Variants in DIP2C observed in about 807,000 individuals in gnomAD.
The protein encoded by DIP2C is disco-interacting protein 2 homolog C.
Under a neutral mutation model 192.4 loss-of-function variants are expected in DIP2C, and 33 were observed. That is an observed-to-expected ratio of 0.17 (90% CI 0.13 to 0.23). The LOEUF (loss-of-function observed/expected upper bound fraction) is 0.23, where lower values mean the gene tolerates loss of function less well. Among genes scored for constraint, DIP2C ranks in the 10% least tolerant of loss-of-function variants. The pLI is 1.00. For missense variants in DIP2C, 1,537 were observed against 2,110.1 expected (o/e 0.73, Z 5.32); for synonymous variants, 979 against 864.1 (o/e 1.13, Z -2.33).
intron 1 of DIP2C, among the ~76,000 whole-genome samples, chr10:538,570 T>C (rs938616811): frequency 3.9e-5 from 6 of 152,238 alleles, no homozygotes; most frequent in African/African-American, 1.4e-4. Context: ...AACGTGGAAA[T>C]GATGGGGCCT....
intron 1 of DIP2C, among the ~76,000 whole-genome samples, chr10:608,821 G>A (rs1448905999): frequency 6.7e-6 from 1 of 148,942 alleles, no homozygotes; most frequent in Non-Finnish European, 1.5e-5. Context: ...CCATTGCTTA[G>A]TCTTCTTAGA....
rs148818301 is a variant in DIP2C at position 489,621 on chromosome 10, G to A, written c.86-3091C>T. Among the ~76,000 whole-genome samples, 1,406 of 151,854 alleles carry A rather than the reference G, an allele frequency of 9.3e-3. 9 individuals carry two copies. The highest frequency in any genetic ancestry group is 0.016 in the Non-Finnish European group (1,061 of 67,882). ...GACACAGTGGCTCTGACAGAGCCTG[G>A]TGCTTCCTCCATTTCACACTAGGGA... On this transcript the variant is annotated intron_variant, in intron 1 of 36. Transcript: ENST00000280886.
chr10:589,287 G>C (rs948576490), intron 1 of DIP2C, among the ~76,000 whole-genome samples: 6 of 152,142 alleles, frequency 3.9e-5, no homozygotes, highest in Admixed American at 3.3e-4. Context: ...CAGAAAATGT[G>C]TCTCTTCAAT....
At chr10:339,469 G>A (rs996971370) in intron 29 of DIP2C, among the ~76,000 whole-genome samples, 1 of 149,702 alleles carries the variant, frequency 6.7e-6, no homozygotes, top group African/African-American at 2.5e-5. Context: ...TTCACACGGA[G>A]AACTTACTTT....
intron 1 of DIP2C, chr10:667,357 CA>C: frequency 6.6e-6 from 1 of 152,452 alleles, no homozygotes; most frequent in Non-Finnish European, 1.5e-5. Flanking sequence ...GGGGCAGAGG[CA>C]AACATGCTGC....
chr10:499,668 G>A (rs1036070043), intron 1 of DIP2C, among the ~76,000 whole-genome samples: 1 of 152,166 alleles, frequency 6.6e-6, no homozygotes, highest in African/African-American at 2.4e-5. Flanking sequence ...CCAATCGCGA[G>A]GACAGCATAG....
intron 5 of DIP2C, among the ~76,000 whole-genome samples, chr10:421,997 G>C (rs376688387): frequency 9.9e-5 from 15 of 152,104 alleles, no homozygotes; most frequent in Non-Finnish European, 2.1e-4. Flanking sequence ...GGGTGTCTGT[G>C]GGCTATTTAA....
chr10:471,021 C>T lies in DIP2C; in HGVS notation c.268+1418G>A, dbSNP rs189887442. On this transcript the variant is annotated intron_variant, in intron 3 of 36. Coordinates refer to ENST00000280886, the MANE Select transcript of DIP2C (RefSeq NM_014974.3). ...GCAGGTGCCTCCACACTCCTGAACTCGACAGGGGCCTCCGAGACACCCACA... is the reference window on the plus strand; with the variant it reads ...GCAGGTGCCTCCACACTCCTGAACTTGACAGGGGCCTCCGAGACACCCACA... 2.7e-3 allele frequency among the ~76,000 whole-genome samples: 409 copies of T among 152,170 alleles called. 2 individuals are homozygous for T. The highest frequency in any genetic ancestry group is 2.4e-3 in the Non-Finnish European group (164 of 68,010).
intron 1 of DIP2C, among the ~76,000 whole-genome samples, chr10:541,479 C>A (rs149881089): frequency 3.2e-5 from 4 of 126,690 alleles, no homozygotes; most frequent in Non-Finnish European, 6.6e-5. Flanking sequence ...CCTCCACCCC[C>A]ATATCTCTCC....
At chr10:670,261 CATACACGCATGCAT>C (rs60225496) in intron 1 of DIP2C, among the ~76,000 whole-genome samples, 5,090 of 152,268 alleles carry the variant, frequency 0.033, 172 homozygotes, top group African/African-American at 0.083. Flanking sequence ...CGTACATGCA[CATACACGCATGCAT>C]ATACACACGT....
chr10:593,908 C>T (rs200185726), intron 1 of DIP2C, among the ~76,000 whole-genome samples: 88 of 151,714 alleles, frequency 5.8e-4, no homozygotes, highest in Non-Finnish European at 1.1e-3. Context: ...GGTTAGCTGC[C>T]GAGTTAAAGG....
chr10:307,784 T>TC (rs1956391103), intron 32 of DIP2C, among the ~76,000 whole-genome samples: 1 of 151,722 alleles, frequency 6.6e-6, no homozygotes, highest in African/African-American at 2.4e-5. Context: ...CGGCACACGG[T>TC]CCATCTGGAG....
intron 1 of DIP2C, chr10:650,926 G>A (rs1341189532): frequency 1.4e-6 from 1 of 716,588 alleles, no homozygotes; most frequent in Non-Finnish European, 2.6e-6. Flanking sequence ...TGTCCATGCA[G>A]GACCCCGAGG....
At chr10:405,628 T>C (rs1462380824) in intron 9 of DIP2C, among the ~76,000 whole-genome samples, 2 of 152,208 alleles carry the variant, frequency 1.3e-5, no homozygotes, top group Non-Finnish European at 1.5e-5. Context: ...CCCAATACAA[T>C]ACTGGACAAA....
chr10:307,782 G>A (rs751569209), intron 32 of DIP2C, among the ~76,000 whole-genome samples: 1 of 152,186 alleles, frequency 6.6e-6, no homozygotes, highest in Non-Finnish European at 1.5e-5. Flanking sequence ...AGCGGCACAC[G>A]GTCCATCTGG....
rs192836866 is a variant in DIP2C at position 317,772 on chromosome 10, T to C, written c.3925-7680A>G. 6.6e-4 allele frequency among the ~76,000 whole-genome samples: 101 copies of C among 152,306 alleles called. 1 individual carries two copies. Among genetic ancestry groups the C allele is most frequent in the Admixed American group, 2.2e-3 (34 of 15,304 alleles). ...AGATGGAAAGACTCACTTAGCACCT[T>C]GCAGATCCAACATGATTATCTGTTC... On this transcript the variant is annotated intron_variant, in intron 31 of 36. Coordinates refer to ENST00000280886, the MANE Select transcript of DIP2C (RefSeq NM_014974.3).
intron 1 of DIP2C, among the ~76,000 whole-genome samples, chr10:554,752 G>A (rs1324589107): frequency 1.3e-5 from 2 of 152,206 alleles, no homozygotes; most frequent in Non-Finnish European, 2.9e-5. Flanking sequence ...AGCAATCACC[G>A]AGTTGCCTGG....
chr10:503,502 C>CAA (rs1343128447), intron 1 of DIP2C, among the ~76,000 whole-genome samples: 1 of 152,178 alleles, frequency 6.6e-6, no homozygotes, highest in Non-Finnish European at 1.5e-5. Flanking sequence ...CCAAGGGCTA[C>CAA]AAAGATGTAT....
intron 1 of DIP2C, chr10:662,235 T>C (rs1235154238): frequency 9.2e-6 from 6 of 653,094 alleles, no homozygotes; most frequent in Non-Finnish European, 1.7e-5. Context: ...CCTGGGTTCC[T>C]AGCTCCTCCT....
Sources: gnomAD v4.1 joint callset for allele counts (sites outside exome capture counted in the v4.1 genomes callset) on GRCh38, gnomAD v4.1.1 for gene constraint, MANE v1.5 for transcripts, NCBI Gene and HGNC (gene_info 2026-07-23, HGNC 2026-07-21) for gene names.